The following SDK1 variants were observed in gnomAD, a reference collection of about 807,000 sequenced individuals.
SDK1 encodes the protein sidekick cell adhesion molecule 1.
Under a neutral mutation model 245.5 loss-of-function variants are expected in SDK1, and 157 were observed. The observed-to-expected ratio is 0.64, with a 90% CI of 0.56 to 0.73. SDK1 has a LOEUF of 0.73. Among genes scored for constraint, SDK1 ranks in the 30% least tolerant of loss-of-function variants. The pLI is 0.00. For missense variants in SDK1, 3,583 were observed against 3,002.3 expected (o/e 1.19, Z -4.52); for synonymous variants, 1,647 against 1,278.5 (o/e 1.29, Z -6.15).
intron 19 of SDK1, among the ~76,000 whole-genome samples, chr7:4,054,608 C>T (rs1779089674): frequency 6.6e-6 from 1 of 152,132 alleles, no homozygotes; most frequent in South Asian, 2.1e-4. Context: ...AACCTGTATG[C>T]CTTTCATTTC....
intron 5 of SDK1, among the ~76,000 whole-genome samples, chr7:3,847,332 G>C (rs558113200): frequency 6.6e-6 from 1 of 152,188 alleles, no homozygotes; most frequent in African/African-American, 2.4e-5. Flanking sequence ...GAAATCCTGG[G>C]ATGGTCTTAA....
At chr7:3,470,483 G>A (rs1781147913) in intron 1 of SDK1, among the ~76,000 whole-genome samples, 1 of 152,144 alleles carries the variant, frequency 6.6e-6, no homozygotes, top group Non-Finnish European at 1.5e-5. Flanking sequence ...TTACAGCTAA[G>A]AACAGCTAAT....
At chr7:4,079,315 C>T in intron 21 of SDK1, 148 bp from the exon 22 acceptor site, 1 of 1,022,280 alleles carries the variant, frequency 9.8e-7, no homozygotes, top group Non-Finnish European at 1.5e-6. Flanking sequence ...AGCTGTGCTG[C>T]TTCTCACCTT....
chr7:3,475,798 A>G (rs1007861047), intron 1 of SDK1, among the ~76,000 whole-genome samples: 2 of 152,170 alleles, frequency 1.3e-5, no homozygotes, highest in African/African-American at 2.4e-5. Context: ...GCACGGTTTC[A>G]TAGTGGAACT....
chr7:4,084,949 G>C (rs1323222536), intron 22 of SDK1, among the ~76,000 whole-genome samples: 1 of 152,012 alleles, frequency 6.6e-6, no homozygotes, highest in Non-Finnish European at 1.5e-5. Flanking sequence ...TTTTAGTAGA[G>C]ATGGGGTTTC....
intron 38 of SDK1, among the ~76,000 whole-genome samples, chr7:4,219,048 CTT>C: frequency 6.6e-6 from 1 of 152,326 alleles, no homozygotes; most frequent in South Asian, 2.1e-4. Flanking sequence ...ACCAGCAAGA[CTT>C]TTGCATGATC....
intron 41 of SDK1, among the ~76,000 whole-genome samples, chr7:4,236,293 G>A (rs191309529): frequency 3.8e-3 from 580 of 152,290 alleles, no homozygotes; most frequent in Non-Finnish European, 6.0e-3. Flanking sequence ...TGAATGGGAC[G>A]CCGGGACCAC....
chr7:3,609,058 G>T (rs1385350396), intron 1 of SDK1, among the ~76,000 whole-genome samples: 3 of 152,070 alleles, frequency 2.0e-5, no homozygotes, highest in Non-Finnish European at 2.9e-5. Flanking sequence ...CCACTCTTAA[G>T]AATTTTTAGT....
Position 3,742,961 on chromosome 7 carries a change from T to A in SDK1, c.714-78489T>A, listed in dbSNP as rs115952826. Among the ~76,000 whole-genome samples, 158 of 152,320 alleles carry A rather than the reference T, an allele frequency of 1.0e-3. 1 individual carries two copies. The highest frequency in any genetic ancestry group is 3.7e-3 in the African/African-American group (153 of 41,572). ...CAGTGGAGACTGGTTTTCTACCAGA[T>A]GAATGACCCTCATTAACATGAGGAA... On this transcript the variant is annotated intron_variant, in intron 4 of 44. Transcript: ENST00000404826.
intron 1 of SDK1, among the ~76,000 whole-genome samples, chr7:3,344,957 G>T (rs1780454767): frequency 6.6e-6 from 1 of 152,192 alleles, no homozygotes; most frequent in Non-Finnish European, 1.5e-5. Flanking sequence ...ACCACACAGG[G>T]TAGTGCTTTG....
At chr7:3,710,082 A>G (rs533865479) in intron 4 of SDK1, among the ~76,000 whole-genome samples, 12 of 152,314 alleles carry the variant, frequency 7.9e-5, no homozygotes, top group Admixed American at 3.9e-4. Flanking sequence ...TCCTAATTAA[A>G]CCTCACATGT....
At chr7:3,772,750 G>A (rs577462179) in intron 4 of SDK1, among the ~76,000 whole-genome samples, 1 of 152,092 alleles carries the variant, frequency 6.6e-6, no homozygotes, top group Non-Finnish European at 1.5e-5. Context: ...ATTTTTTGCA[G>A]AGCAGTCTAC....
chr7:3,521,194 C>G (rs1212143450), intron 1 of SDK1, among the ~76,000 whole-genome samples: 2 of 152,206 alleles, frequency 1.3e-5, no homozygotes, highest in African/African-American at 4.8e-5. Flanking sequence ...CCCTGTCCAG[C>G]AAGAGCAGCT....
At chr7:3,910,685 C>G (rs534351508) in intron 5 of SDK1, among the ~76,000 whole-genome samples, 5 of 152,124 alleles carry the variant, frequency 3.3e-5, no homozygotes, top group Non-Finnish European at 5.9e-5. Flanking sequence ...CCTCCTTTCC[C>G]AGTTGCATGA....
intron 42 of SDK1, among the ~76,000 whole-genome samples, chr7:4,241,011 C>G (rs1464994739): frequency 6.6e-6 from 1 of 152,138 alleles, no homozygotes. Context: ...GCCGGGAAAA[C>G]CCAGTGCAAT....
chr7:3,754,263 AGAAAGTTTCT>A (rs1779855673), intron 4 of SDK1, among the ~76,000 whole-genome samples: 1 of 152,198 alleles, frequency 6.6e-6, no homozygotes, highest in Non-Finnish European at 1.5e-5. Flanking sequence ...TGTGTTTTTA[AGAAAGTTTCT>A]TAATGTATTA....
intron 5 of SDK1, among the ~76,000 whole-genome samples, chr7:3,892,734 C>T (rs540081695): frequency 6.6e-6 from 1 of 152,330 alleles, no homozygotes; most frequent in South Asian, 2.1e-4. Context: ...CGGAGGCCCT[C>T]CAGTCCAGGT....
intron 13 of SDK1, among the ~76,000 whole-genome samples, chr7:3,975,749 C>G (rs1429840233): frequency 1.3e-5 from 2 of 152,268 alleles, no homozygotes; most frequent in African/African-American, 2.4e-5. Context: ...CCCATCCCAA[C>G]TCCTGTTCTG....
chr7:4,144,182 A>G (rs536873222), intron 28 of SDK1, among the ~76,000 whole-genome samples: 2 of 152,238 alleles, frequency 1.3e-5, no homozygotes, highest in African/African-American at 4.8e-5. Flanking sequence ...CGCCGTCTCT[A>G]GGCTGCCCTC....
Sources: gnomAD v4.1 joint callset for allele counts (sites outside exome capture counted in the v4.1 genomes callset) on GRCh38, gnomAD v4.1.1 for gene constraint, MANE v1.5 for transcripts, NCBI Gene and HGNC (gene_info 2026-07-23, HGNC 2026-07-21) for gene names.